The following TMEFF2 variants were observed in gnomAD, a reference collection of about 807,000 sequenced individuals.
TMEFF2 encodes transmembrane protein with EGF like and two follistatin like domains 2.
A neutral mutation model predicts 53.8 loss-of-function variants in TMEFF2; 28 were observed. That is an observed-to-expected ratio of 0.52 (90% CI 0.39 to 0.71). The LOEUF (loss-of-function observed/expected upper bound fraction) is 0.71. TMEFF2 is among the 30% of genes least tolerant of loss of function. The probability of loss-of-function intolerance (pLI) is 0.00; values close to 1 mark genes in which losing one functional copy is unlikely to be tolerated. For missense variants in TMEFF2, 353 were observed against 455.2 expected (o/e 0.78, Z 2.04); for synonymous variants, 162 against 166.3 (o/e 0.97, Z 0.20).
At chr2:191,996,830 A>T (rs1411650051) in intron 7 of TMEFF2, among the ~76,000 whole-genome samples, 1 of 151,908 alleles carries the variant, frequency 6.6e-6, no homozygotes, top group Non-Finnish European at 1.5e-5. Flanking sequence ...TTATGAAAGT[A>T]TGGAAAAAGG....
intron 4 of TMEFF2, among the ~76,000 whole-genome samples, chr2:192,111,641 T>C (rs1407468926): frequency 6.6e-6 from 1 of 152,174 alleles, no homozygotes; most frequent in African/African-American, 2.4e-5. Context: ...GAAATTTGCA[T>C]AAGTAAAGAG....
intron 4 of TMEFF2, among the ~76,000 whole-genome samples, chr2:192,104,813 A>T (rs1689108122): frequency 1.3e-5 from 2 of 152,120 alleles, no homozygotes; most frequent in Non-Finnish European, 2.9e-5. Context: ...ATTTGAATTT[A>T]AAATTCTTAC....
At chr2:192,181,082 T>C (rs1332700668) in intron 3 of TMEFF2, among the ~76,000 whole-genome samples, 5 of 151,766 alleles carry the variant, frequency 3.3e-5, no homozygotes, top group Non-Finnish European at 5.9e-5. Context: ...TCATAAGAAT[T>C]GACTGTTTAA....
chr2:192,128,227 C>T (rs1689725543), intron 4 of TMEFF2, among the ~76,000 whole-genome samples: 1 of 152,134 alleles, frequency 6.6e-6, no homozygotes, highest in Non-Finnish European at 1.5e-5. Flanking sequence ...TGCTCAATGT[C>T]TATACATATA....
In TMEFF2 at chr2:192,114,550, T is replaced by TAA. The variant is rs34376260; in HGVS notation, c.440-56777_440-56776dup. Among the ~76,000 whole-genome samples the TAA allele has an allele frequency of 8.2e-3, 1,241 of 150,894 alleles. 6 individuals carry two copies. Among genetic ancestry groups the TAA allele is most frequent in the African/African-American group, 0.022 (914 of 41,262 alleles). Reference sequence around the variant, plus strand: ...TGACATAATCCTATATATATATATATAACTCTAAAGAATTCACCAAAACTA... The same window carrying TAA: ...TGACATAATCCTATATATATATATATAAAACTCTAAAGAATTCACCAAAACTA... On this transcript the variant is annotated intron_variant, in intron 4 of 9. Coordinates refer to ENST00000272771, the MANE Select transcript of TMEFF2 (RefSeq NM_016192.4).
At chr2:192,151,580 C>T (rs1690390035) in intron 4 of TMEFF2, among the ~76,000 whole-genome samples, 1 of 151,828 alleles carries the variant, frequency 6.6e-6, no homozygotes, top group South Asian at 2.1e-4. Context: ...CAGTGACTAT[C>T]AAGAGCGTGA....
chr2:192,043,447 G>C (rs1324164083), intron 5 of TMEFF2, among the ~76,000 whole-genome samples: 1 of 152,182 alleles, frequency 6.6e-6, no homozygotes, highest in Non-Finnish European at 1.5e-5. Context: ...CTGTTTGCCA[G>C]AATAACTGTG....
chr2:191,969,495 A>C (rs1454291427), intron 7 of TMEFF2, among the ~76,000 whole-genome samples: 1 of 152,194 alleles, frequency 6.6e-6, no homozygotes, highest in Admixed American at 6.5e-5. Context: ...TTTCCTATGT[A>C]TTTCAGTCTC....
At chr2:192,172,974 C>T (rs867184354) in intron 4 of TMEFF2, among the ~76,000 whole-genome samples, 1 of 151,920 alleles carries the variant, frequency 6.6e-6, no homozygotes, top group Middle Eastern at 3.4e-3. Context: ...TCTACACATC[C>T]AAAAGCTGTT....
In TMEFF2 at chr2:192,011,887, A is replaced by G. The variant is rs10176546; in HGVS notation, c.537-12679T>C. 6.5e-3 allele frequency among the ~76,000 whole-genome samples: 985 copies of G among 152,094 alleles called. 7 individuals carry two copies. The highest frequency in any genetic ancestry group is 0.023 in the African/African-American group (953 of 41,500). ...AATTCAAAATATTTTTTATTTTTAC[A>G]TATTATCTTTTTTTTTTGAGACAGC... On this transcript the variant is annotated intron_variant, in intron 5 of 9. Coordinates refer to ENST00000272771, the MANE Select transcript of TMEFF2 (RefSeq NM_016192.4).
chr2:191,973,298 AT>A (rs1692701570), intron 7 of TMEFF2, among the ~76,000 whole-genome samples: 1 of 151,916 alleles, frequency 6.6e-6, no homozygotes. Flanking sequence ...TAATATTATT[AT>A]TTTATAATCA....
At chr2:192,177,731 T>C (rs145818907) in intron 4 of TMEFF2, 1 of 151,260 alleles carries the variant, frequency 6.6e-6, no homozygotes, top group East Asian at 1.9e-4. Context: ...TTCCAAGTGA[T>C]GTTTCACTTA....
intron 4 of TMEFF2, among the ~76,000 whole-genome samples, chr2:192,123,612 G>A (rs1689610596): frequency 6.6e-6 from 1 of 152,084 alleles, no homozygotes. Context: ...TGCTGCCTTG[G>A]CACTGATATT....
At chr2:192,098,344 C>A (rs952632252) in intron 4 of TMEFF2, among the ~76,000 whole-genome samples, 1 of 151,998 alleles carries the variant, frequency 6.6e-6, no homozygotes, top group Non-Finnish European at 1.5e-5. Flanking sequence ...CAATATGAAA[C>A]CAATATTTTC....
At chr2:192,066,898 C>A (rs933769299) in intron 4 of TMEFF2, among the ~76,000 whole-genome samples, 3 of 151,830 alleles carry the variant, frequency 2.0e-5, no homozygotes, top group South Asian at 2.1e-4. Flanking sequence ...TTATTTGAAT[C>A]ATTTTATGCA....
At chr2:192,084,719 G>A (rs868664233) in intron 4 of TMEFF2, among the ~76,000 whole-genome samples, 7 of 152,008 alleles carry the variant, frequency 4.6e-5, no homozygotes, top group African/African-American at 1.2e-4. Flanking sequence ...ATGAGATACC[G>A]CCAAAAAAGG....
chr2:192,186,059 C>T (rs1691303942), intron 2 of TMEFF2, among the ~76,000 whole-genome samples: 3 of 151,920 alleles, frequency 2.0e-5, no homozygotes, highest in South Asian at 2.1e-4. Context: ...TTCTGCAAGT[C>T]CTCTATATAG....
intron 5 of TMEFF2, among the ~76,000 whole-genome samples, chr2:192,045,845 A>G (rs1186301751): frequency 3.9e-5 from 6 of 152,198 alleles, no homozygotes; most frequent in African/African-American, 4.8e-5. Flanking sequence ...CCTCACTGAA[A>G]TAGATATTTA....
At chr2:192,043,176 T>G (rs139528611) in intron 5 of TMEFF2, among the ~76,000 whole-genome samples, 60 of 152,252 alleles carry the variant, frequency 3.9e-4, no homozygotes, top group African/African-American at 1.4e-3. Flanking sequence ...ATGGTGTTCC[T>G]AAAAGTGAAA....
Sources: allele counts gnomAD v4.1 joint callset (sites outside exome capture counted in the v4.1 genomes callset), GRCh38; gene constraint gnomAD v4.1.1; transcripts MANE v1.5; gene names NCBI Gene and HGNC (gene_info 2026-07-23, HGNC 2026-07-21).